TRPV1: variants seen among roughly 807,000 people sequenced by gnomAD.
TRPV1 encodes transient receptor potential cation channel subfamily V member 1.
Under a neutral mutation model 82.3 loss-of-function variants are expected in TRPV1, and 82 were observed. That is an observed-to-expected ratio of 1.00 (90% CI 0.83 to 1.20). The LOEUF (loss-of-function observed/expected upper bound fraction) is 1.20. Ranked by LOEUF, TRPV1 falls within the 50% of genes most tolerant of loss-of-function variation. The pLI is 0.00. For synonymous variants in TRPV1, 515 were observed against 467.7 expected, an observed-to-expected ratio of 1.10 and a Z score of -1.30; for missense variants, 1,067 against 1,096.8, an observed-to-expected ratio of 0.97 and a Z score of 0.38.
intron 6 of TRPV1, 24 bp downstream of exon 6, chr17:3,590,228 G>C (rs1333794724): frequency 6.2e-7 from 1 of 1,611,846 alleles, no homozygotes; most frequent in African/African-American, 1.3e-5. Context: ...AAAAAGATCA[G>C]GGTCTGCCAC....
Position 3,590,296 on chromosome 17 carries a change from C to A in TRPV1, c.701G>T (p.Gly234Val). 6.2e-7 allele frequency: 1 copy of A among 1,613,982 alleles called. No homozygotes were observed. Residue 234 changes from glycine to valine, a missense_variant, in exon 6 of 17, where the codon GGG becomes GTG. Transcript: ENST00000572705. ...CCCTTTGGTTTTCTTAAAGAAGTCC[C>A]CATGGGCCGCAGCCTGGACGTCTGC... Reference protein sequence around the residue: ...NGADVQAAAHGDFFKKTKGRP... With the variant: ...NGADVQAAAHVDFFKKTKGRP...
rs199688028 is a variant in TRPV1, at chr17:3,566,781, G to A, written c.*34C>T. 1 of 1,607,236 alleles carries A rather than the reference G, an allele frequency of 6.2e-7. No homozygotes were observed. Among genetic ancestry groups the A allele is most frequent in the South Asian group, 1.1e-5 (1 of 90,320 alleles). On this transcript the variant is annotated 3_prime_UTR_variant, in exon 17 of 17. Transcript: ENST00000572705. ...CCCCGTGGCAACGGGGTCTCCTAAG[G>A]CCCAGTGTTGACAGTGCTGTCTGCG... is the stretch of plus-strand genomic sequence containing the variant.
chr17:3,589,223 T>TC (rs1339712369), intron 7 of TRPV1, among the ~76,000 whole-genome samples: 2 of 150,974 alleles, frequency 1.3e-5, no homozygotes, highest in Non-Finnish European at 3.0e-5. Flanking sequence ...TTTTTTTTTT[T>TC]TGAGACAGAG....
chr17:3,606,786 A>C (rs1040902661), intron 2 of TRPV1, among the ~76,000 whole-genome samples: 2 of 152,118 alleles, frequency 1.3e-5, no homozygotes, highest in East Asian at 3.9e-4. Flanking sequence ...CATAGTCTGG[A>C]AAGAGGACAG....
intron 2 of TRPV1, among the ~76,000 whole-genome samples, chr17:3,599,507 C>T (rs1344337411): frequency 1.6e-5 from 2 of 126,338 alleles, no homozygotes; most frequent in African/African-American, 1.1e-4. Flanking sequence ...TTCTAGGAGT[C>T]CTCTGGTCAG....
chr17:3,577,849 G>C, intron 11 of TRPV1, 86 bp from the exon 12 acceptor site: 1 of 1,333,506 alleles, frequency 7.5e-7, no homozygotes, highest in Non-Finnish European at 1.0e-6. Context: ...GCCGCTCAGA[G>C]GTCCAGACTG....
intron 7 of TRPV1, among the ~76,000 whole-genome samples, chr17:3,589,209 C>CTT (rs11400955): frequency 0.017 from 2,382 of 137,546 alleles, 55 homozygotes; most frequent in African/African-American, 0.035. Context: ...TTTCTTTTTC[C>CTT]TTTTTTTTTT....
chr17:3,581,824 G>A (rs1273227569), intron 10 of TRPV1, among the ~76,000 whole-genome samples: 1 of 146,998 alleles, frequency 6.8e-6, no homozygotes, highest in Non-Finnish European at 1.5e-5. Context: ...GGTGGAGGTT[G>A]CAGTGAGCCA....
In TRPV1 at chr17:3,571,411, G is replaced by A. The variant is rs549281564; in HGVS notation, c.2347+113C>T. On this transcript the variant is annotated intron_variant, in intron 16 of 16. Transcript: ENST00000572705. Reference sequence around the variant, plus strand: ...GACGTCAGGAGCTGCCACAGCGCCCGGGTCCTGGGGGGATGAGGAACCCGG... The same window carrying A: ...GACGTCAGGAGCTGCCACAGCGCCCAGGTCCTGGGGGGATGAGGAACCCGG... 61 of 795,142 alleles carry A rather than the reference G, an allele frequency of 7.7e-5. No homozygotes were observed. The African/African-American group carries it at 7.7e-4, about 10-fold the overall frequency. The allele number at this position is 795,142 out of a possible 1,614,324, so 49.3% of individuals were successfully genotyped here. A position where few individuals can be genotyped will look rare whatever the true frequency, so the allele number is the denominator to read the frequency against.
At chr17:3,585,961 G>A in intron 8 of TRPV1, 35 bp from the exon 9 acceptor site, 2 of 1,612,232 alleles carry the variant, frequency 1.2e-6, no homozygotes, top group Non-Finnish European at 1.7e-6. Context: ...GTTCCCTCCT[G>A]CAGCAGGAAC....
intron 10 of TRPV1, among the ~76,000 whole-genome samples, chr17:3,582,803 C>A (rs1212592525): frequency 4.0e-5 from 6 of 151,744 alleles, no homozygotes; most frequent in African/African-American, 1.5e-4. Context: ...ACTAAAAATA[C>A]AAAAAAATTA....
rs556211884 is a variant in TRPV1, at chr17:3,579,743, T to G, written c.1547+714A>C. Among the ~76,000 whole-genome samples the G allele has an allele frequency of 3.0e-4, 45 of 152,306 alleles. 1 individual carries two copies. In the South Asian group the frequency reaches 6.2e-3, roughly 21 times the overall value. ...CACCCGCCTCAGCCTCCCAAAGTGCTGGGATTACAGGCGTGAGCCACTGCG... is the reference window on the plus strand; with the variant it reads ...CACCCGCCTCAGCCTCCCAAAGTGCGGGGATTACAGGCGTGAGCCACTGCG... On this transcript the variant is annotated intron_variant, in intron 11 of 16. Transcript: ENST00000572705.
At chr17:3,568,708 A>G (rs2074808260) in intron 16 of TRPV1, among the ~76,000 whole-genome samples, 1 of 152,178 alleles carries the variant, frequency 6.6e-6, no homozygotes, top group Non-Finnish European at 1.5e-5. Flanking sequence ...CAGTCCCTCA[A>G]ATAACACCAA....
Position 3,577,655 on chromosome 17 carries a change from C to A in TRPV1, c.1656G>T (p.Met552Ile). 6.3e-7 allele frequency: 1 copy of A among 1,586,444 alleles called. No homozygotes were observed. Among genetic ancestry groups the A allele is most frequent in the Non-Finnish European group, 8.6e-7 (1 of 1,166,768 alleles). Residue 552 changes from methionine to isoleucine, a missense_variant, in exon 12 of 17, where the codon ATG (methionine) becomes ATT (isoleucine). Met to Ile is a conservative substitution (Grantham distance 10). Transcript: ENST00000572705. ...VFSLALGWTN[M>I]LYYTRGFQQM... ...GCTGGAAACCGCGGGTGTAGTAGAGCATGTTGGTCCAGCCCAAGGCCAGGG... is the reference window on the plus strand; with the variant it reads ...GCTGGAAACCGCGGGTGTAGTAGAGAATGTTGGTCCAGCCCAAGGCCAGGG...
At chr17:3,595,872 G>A (rs200668208) in intron 2 of TRPV1, 2 of 152,310 alleles carry the variant, frequency 1.3e-5, no homozygotes, top group Admixed American at 6.5e-5. Flanking sequence ...TCCAGGGAAC[G>A]GGGTGGGACA....
chr17:3,594,164 AGCAGCAGCAGCAGCAGCT>A lies in TRPV1; in HGVS notation c.-33-1799_-33-1782del, dbSNP rs1355694592. Among the ~76,000 whole-genome samples the A allele has an allele frequency of 2.5e-3, 358 of 144,560 alleles. 5 individuals carry two copies. Among genetic ancestry groups the A allele is most frequent in the African/African-American group, 9.2e-3 (344 of 37,308 alleles). 94.8% of individuals were successfully genotyped at this position (144,560 alleles called of 152,430 possible). The stretch of plus-strand genomic sequence containing the variant: ...AAAAAAAAAAAAAAGAAGCAGCAGC[AGCAGCAGCAGCAGCAGCT>A]GCACACATGGGGAAATAAGAGCAAT... On this transcript the variant is annotated intron_variant, in intron 2 of 16. Coordinates refer to ENST00000572705, the MANE Select transcript of TRPV1 (RefSeq NM_080704.4).
rs201325341 is a variant in TRPV1 at position 3,572,106 on chromosome 17, G to T, written c.2231+16C>A. ...AAAGCTCCCAAGCCCTGATTCAGGT[G>T]GAGCCTGGGCATTACCTGAAGCACC... On this transcript the variant is annotated intron_variant, in intron 15 of 16. Transcript: ENST00000572705. 1.2e-6 allele frequency: 2 copies of T among 1,610,132 alleles called. No homozygotes were observed. Among genetic ancestry groups the T allele is most frequent in the Non-Finnish European group, 1.7e-6 (2 of 1,177,294 alleles).
At chr17:3,580,422 G>T (rs1489918296) in intron 11 of TRPV1, 35 bp downstream of exon 11, 5 of 1,611,844 alleles carry the variant, frequency 3.1e-6, no homozygotes, top group African/African-American at 2.7e-5. Context: ...GGTCACCTGG[G>T]GACTGGACTG....
intron 10 of TRPV1, among the ~76,000 whole-genome samples, chr17:3,580,922 G>T (rs2075001243): frequency 6.6e-6 from 1 of 151,912 alleles, no homozygotes; most frequent in South Asian, 2.1e-4. Flanking sequence ...ATGAGGCTGA[G>T]GCAAGAAAAT....
Sources: allele counts gnomAD v4.1 joint callset (sites outside exome capture counted in the v4.1 genomes callset), GRCh38; gene constraint gnomAD v4.1.1; transcripts MANE v1.5; gene names NCBI Gene and HGNC (gene_info 2026-07-23, HGNC 2026-07-21).